Variants in PCDH17 observed in about 807,000 individuals in gnomAD.
PCDH17 encodes the protein protocadherin 17.
Under a neutral mutation model 67.7 loss-of-function variants are expected in PCDH17, and 21 were observed. That is an observed-to-expected ratio of 0.31 (90% confidence interval 0.22 to 0.45). The LOEUF (loss-of-function observed/expected upper bound fraction) is 0.45. Among genes scored for constraint, PCDH17 ranks in the 20% least tolerant of loss-of-function variants. PCDH17 has a pLI of 1.00. For missense variants in PCDH17, 1,471 were observed against 1,564.8 expected (o/e 0.94, Z 1.01); for synonymous variants, 701 against 656.7 (o/e 1.07, Z -1.03).
At chr13:57,702,928 T>C (rs1955681184) in intron 3 of PCDH17, among the ~76,000 whole-genome samples, 1 of 152,186 alleles carries the variant, frequency 6.6e-6, no homozygotes, top group Admixed American at 6.6e-5. Context: ...CCTTTCTGCC[T>C]ATCTCTCTGC....
At chr13:57,670,214 G>A (rs567972121) in intron 3 of PCDH17, among the ~76,000 whole-genome samples, 2 of 151,932 alleles carry the variant, frequency 1.3e-5, no homozygotes, top group African/African-American at 4.8e-5. Context: ...CTATTGTCTT[G>A]ATCAATGTAT....
intron 3 of PCDH17, among the ~76,000 whole-genome samples, chr13:57,718,596 T>A (rs1955844327): frequency 6.6e-6 from 1 of 151,912 alleles, no homozygotes; most frequent in Non-Finnish European, 1.5e-5. Flanking sequence ...AGAAAGTAAG[T>A]CAATAATAAT....
At chr13:57,643,613 C>A (rs1464321288) in intron 1 of PCDH17, among the ~76,000 whole-genome samples, 1 of 151,490 alleles carries the variant, frequency 6.6e-6, no homozygotes, top group Non-Finnish European at 1.5e-5. Flanking sequence ...TATCCCAAGT[C>A]CTTTTATTGA....
intron 1 of PCDH17, among the ~76,000 whole-genome samples, chr13:57,644,289 G>A (rs1330876463): frequency 2.0e-5 from 3 of 151,582 alleles, no homozygotes; most frequent in Non-Finnish European, 3.0e-5. Flanking sequence ...CTATTCTATG[G>A]TGTGGCTCTG....
chr13:57,657,515 G>T (rs1955121341), intron 1 of PCDH17, among the ~76,000 whole-genome samples: 2 of 152,144 alleles, frequency 1.3e-5, no homozygotes, highest in Admixed American at 1.3e-4. Context: ...CAGCAATGTA[G>T]AAAGAACCAC....
chr13:57,688,585 A>C (rs779852092), intron 3 of PCDH17, among the ~76,000 whole-genome samples: 1 of 152,060 alleles, frequency 6.6e-6, no homozygotes, highest in Non-Finnish European at 1.5e-5. Flanking sequence ...AAACATTAAA[A>C]TGTCTGTTAG....
intron 3 of PCDH17, among the ~76,000 whole-genome samples, chr13:57,700,719 AT>A (rs1339188626): frequency 1.3e-5 from 2 of 152,144 alleles, no homozygotes; most frequent in African/African-American, 2.4e-5. Context: ...CTTTGGAAAA[AT>A]ATTAAGTAAA....
chr13:57,686,068 G>A (rs1955503997), intron 3 of PCDH17, among the ~76,000 whole-genome samples: 1 of 150,890 alleles, frequency 6.6e-6, no homozygotes, highest in Non-Finnish European at 1.5e-5. Flanking sequence ...TAGCCTGGGT[G>A]ACACAGGGAG....
chr13:57,666,348 A>C (rs1376974277), intron 1 of PCDH17, 120 bp from the exon 2 acceptor site: 6 of 737,376 alleles, frequency 8.1e-6, no homozygotes, highest in East Asian at 8.0e-5. Flanking sequence ...AAAATGTACA[A>C]ATCTGAAGAT....
intron 1 of PCDH17, among the ~76,000 whole-genome samples, chr13:57,662,006 T>A (rs144670329): frequency 6.6e-6 from 1 of 152,156 alleles, no homozygotes; most frequent in East Asian, 1.9e-4. Flanking sequence ...ATTACAGGCA[T>A]GTGCCTTGAA....
Position 57,635,082 on chromosome 13 carries a change from A to G in PCDH17, c.2536A>G (p.Thr846Ala). The change falls in exon 1 of 4, where the codon ACC becomes GCC. Residue 846 changes from threonine (T) to alanine (A), a missense_variant. Transcript: ENST00000377918. ...CGGACAAGGGACTAATGCAAGCGAGACCCCTGCCACTCGGATGTCCATAAT... is the reference window on the plus strand; with the variant it reads ...CGGACAAGGGACTAATGCAAGCGAGGCCCCTGCCACTCGGATGTCCATAAT... Reference protein sequence around the residue: ...FTGQGTNASETPATRMSIIQT... With the variant: ...FTGQGTNASEAPATRMSIIQT... 1 of 1,612,712 alleles carries G rather than the reference A, an allele frequency of 6.2e-7. No individual in the cohort carries two copies. The highest frequency in any genetic ancestry group is 8.5e-7 in the Non-Finnish European group (1 of 1,179,924).
At chr13:57,657,778 G>C (rs1180912944) in intron 1 of PCDH17, among the ~76,000 whole-genome samples, 1 of 152,122 alleles carries the variant, frequency 6.6e-6, no homozygotes, top group Non-Finnish European at 1.5e-5. Context: ...TTTTATTTCT[G>C]TGTACCCCTG....
At position 57,634,431 on chromosome 13, in the gene PCDH17, G is replaced by A. The variant is rs752601964; in HGVS notation, c.1885G>A (p.Asp629Asn). The change falls in exon 1 of 4, where the codon GAC becomes AAC. Residue 629 changes from aspartate (D) to asparagine (N), a missense_variant. Physicochemically the swap from Asp to Asn is conservative, Grantham distance 23. Transcript: ENST00000377918. This position sits in a 1 kb window ranked among gnomAD's most constrained non-coding sequence, Gnocchi z 7.8. ...ESGRLTYEIV[D>N]GNDDHLFEID... is the part of the protein sequence containing the mutation. ...CGGGCGTCTCACCTACGAGATCGTG[G>A]ACGGCAACGACGACCACCTGTTTGA... 1.1e-5 allele frequency: 17 copies of A among 1,612,858 alleles called. No individual in the cohort carries two copies. Among genetic ancestry groups the A allele is most frequent in the Non-Finnish European group, 1.3e-5 (15 of 1,179,956 alleles).
intron 3 of PCDH17, among the ~76,000 whole-genome samples, chr13:57,720,748 T>C (rs1326818180): frequency 6.6e-6 from 1 of 152,110 alleles, no homozygotes; most frequent in African/African-American, 2.4e-5. Context: ...TATGAATATG[T>C]GTGCATGTGT....
Position 57,728,569 on chromosome 13 carries a change from A to C in PCDH17, c.*3275A>C, listed in dbSNP as rs1278208990. The C allele has an allele frequency of 6.6e-6, 1 of 151,648 alleles. No homozygotes were observed. Among genetic ancestry groups the C allele is most frequent in the Non-Finnish European group, 1.5e-5 (1 of 67,870 alleles). 9.4% of individuals were successfully genotyped at this position (151,648 alleles called of 1,614,324 possible). A position where few individuals can be genotyped will look rare whatever the true frequency, so the allele number is the denominator to read the frequency against. ...ACAAAATAACCTTTTCATCAGAGTTAAAAGTAGTGAGAATCTGTTAGTTAT... is the reference window on the plus strand; with the variant it reads ...ACAAAATAACCTTTTCATCAGAGTTCAAAGTAGTGAGAATCTGTTAGTTAT... On this transcript the variant is annotated 3_prime_UTR_variant, in exon 4 of 4. Coordinates refer to ENST00000377918, the MANE Select transcript of PCDH17 (RefSeq NM_001040429.3).
intron 3 of PCDH17, among the ~76,000 whole-genome samples, chr13:57,701,995 G>A (rs1169454137): frequency 6.6e-6 from 1 of 152,020 alleles, no homozygotes; most frequent in African/African-American, 2.4e-5. Flanking sequence ...TCGGCTCACT[G>A]CAACCTCTGT....
At chr13:57,670,426 A>C (rs1955306246) in intron 3 of PCDH17, among the ~76,000 whole-genome samples, 1 of 151,638 alleles carries the variant, frequency 6.6e-6, no homozygotes, top group Non-Finnish European at 1.5e-5. Context: ...TTCTCTTACG[A>C]GAAAAAACTA....
At chr13:57,631,240 G>A (rs1010227311), upstream of PCDH17, among the ~76,000 whole-genome samples, 1 of 152,144 alleles carries the variant, frequency 6.6e-6, no homozygotes, top group Non-Finnish European at 1.5e-5. Context: ...GGGAGGCAGG[G>A]CTATTGGAAG....
intron 3 of PCDH17, among the ~76,000 whole-genome samples, chr13:57,696,297 A>G (rs1955607896): frequency 6.6e-6 from 1 of 151,486 alleles, no homozygotes; most frequent in Non-Finnish European, 1.5e-5. Flanking sequence ...TGCAGATAAC[A>G]TAAAATTATT....
Sources: gnomAD v4.1 joint callset for allele counts (sites outside exome capture counted in the v4.1 genomes callset) on GRCh38, gnomAD v4.1.1 for gene constraint, Gnocchi (gnomAD v3.1) non-coding constraint, MANE v1.5 for transcripts, NCBI Gene and HGNC (gene_info 2026-07-23, HGNC 2026-07-21) for gene names.